Variants in SHANK2 observed in about 807,000 individuals in gnomAD.
SHANK2 encodes the protein SH3 and multiple ankyrin repeat domains 2, also known as SH3 and multiple ankyrin repeat domains protein 2.
A neutral mutation model predicts 133.7 loss-of-function variants in SHANK2; 43 were observed. The ratio of observed to expected loss-of-function variants is 0.32; its 90% confidence interval spans 0.25 to 0.41. SHANK2 has a LOEUF of 0.41. SHANK2 is among the 10% of genes least tolerant of loss of function. SHANK2 has a pLI of 1.00. For missense variants in SHANK2, 1,994 were observed against 2,235.8 expected (o/e 0.89, Z 2.18); for synonymous variants, 1,017 against 952.8 (o/e 1.07, Z -1.24).
At chr11:70,604,301 G>C (rs1034751095) in intron 17 of SHANK2, 1 of 152,370 alleles carries the variant, frequency 6.6e-6, no homozygotes, top group Non-Finnish European at 1.5e-5. Flanking sequence ...ATGCCCGTGG[G>C]GGGCTACCCT....
chr11:71,188,906 TG>T lies in SHANK2; in HGVS notation c.-13+35790del, dbSNP rs1953731013. On this transcript the variant is annotated intron_variant, in intron 2 of 25. Coordinates refer to ENST00000601538, the MANE Select transcript of SHANK2 (RefSeq NM_012309.5). The surrounding 1 kb of genome is among the most constrained non-coding windows in gnomAD (Gnocchi z 4.6). ...GGTCAAGGTGGGTGGAAGCAAACCC[TG>T]GGGTTCTCTCAATACAGCAGGAGCG... is the stretch of plus-strand genomic sequence containing the variant. Among the ~76,000 whole-genome samples, 1 of 152,148 alleles carries T rather than the reference TG, an allele frequency of 6.6e-6. No individual in the cohort carries two copies. Among genetic ancestry groups the T allele is most frequent in the Non-Finnish European group, 1.5e-5 (1 of 68,032 alleles).
intron 4 of SHANK2, among the ~76,000 whole-genome samples, chr11:71,116,420 C>G (rs561122602): frequency 1.3e-5 from 2 of 152,340 alleles, no homozygotes; most frequent in South Asian, 2.1e-4. Context: ...GCGTAGCAAG[C>G]CTGGGTGAGA....
At position 70,882,328 on chromosome 11, in the gene SHANK2, G is replaced by A. The variant is rs1555072584; in HGVS notation, c.1174+14173C>T. 6.6e-6 allele frequency among the ~76,000 whole-genome samples: 1 copy of A among 152,200 alleles called. No individual in the cohort carries two copies. The highest frequency in any genetic ancestry group is 1.9e-4 in the East Asian group (1 of 5,194). On this transcript the variant is annotated intron_variant, in intron 11 of 25. Coordinates refer to ENST00000601538, the MANE Select transcript of SHANK2 (RefSeq NM_012309.5). The surrounding 1 kb of genome is among the most constrained non-coding windows in gnomAD (Gnocchi z 4.2). ...GGAGAGGGGCCACTGCAGTGTGGAA[G>A]GCAGGCAGAAAGGCCCCTGGGCTGT...
chr11:71,071,256 C>T (rs990438938), intron 9 of SHANK2, among the ~76,000 whole-genome samples: 5 of 152,200 alleles, frequency 3.3e-5, no homozygotes, highest in Non-Finnish European at 7.3e-5. Flanking sequence ...AATGTATCTC[C>T]ACACTCACAC....
intron 15 of SHANK2, among the ~76,000 whole-genome samples, chr11:70,667,069 C>T (rs1467365431): frequency 3.9e-5 from 6 of 152,012 alleles, no homozygotes; most frequent in Admixed American, 1.3e-4. Flanking sequence ...GAAACCATTG[C>T]CATCATGGCC....
rs1555049744 is a variant in SHANK2 at position 70,798,520 on chromosome 11, C to T, written c.1700G>A (p.Ser567Asn). 4.2e-6 allele frequency: 3 copies of T among 718,508 alleles called. No individual in the cohort carries two copies. The South Asian group carries it at 4.4e-5, about 11-fold the overall frequency. The allele number at this position is 718,508 out of a possible 1,614,324, so 44.5% of individuals were successfully genotyped here. The change falls in exon 14 of 26, where the codon AGC becomes AAC. Residue 567 changes from serine to asparagine, a missense_variant. Ser to Asn is a conservative substitution (Grantham distance 46). Transcript: ENST00000601538. ...SIGEGGFWEG[S>N]ARGHIGWFPA... ...AAACCATCCGATGTGGCCGCGGGCG[C>T]TGCCTTCCCAGAAGCCCCCTTCACC...
intron 14 of SHANK2, among the ~76,000 whole-genome samples, chr11:70,764,120 A>ATC (rs1947060175): frequency 1.4e-5 from 1 of 73,242 alleles, no homozygotes; most frequent in Non-Finnish European, 2.6e-5. Flanking sequence ...CCACCCACCC[A>ATC]CACATCAAGC....
At chr11:70,721,704 G>A (rs72949001) in intron 14 of SHANK2, among the ~76,000 whole-genome samples, 14,262 of 152,254 alleles carry the variant, frequency 0.094, 887 homozygotes, top group South Asian at 0.17. Context: ...ATGTGGGACC[G>A]TCAGCAGCCA....
At chr11:70,841,789 A>C (rs1408171201) in intron 11 of SHANK2, among the ~76,000 whole-genome samples, 1 of 152,170 alleles carries the variant, frequency 6.6e-6, no homozygotes, top group Admixed American at 6.5e-5. Context: ...GGACCCAAGC[A>C]TGCAGTGCCA....
intron 2 of SHANK2, among the ~76,000 whole-genome samples, chr11:71,148,666 C>T (rs6591903): frequency 3.3e-5 from 5 of 152,106 alleles, no homozygotes; most frequent in Non-Finnish European, 5.9e-5. Context: ...GCATGGTCAC[C>T]CTGATTGTTT....
chr11:71,230,486 G>A (rs184764467), intron 1 of SHANK2, among the ~76,000 whole-genome samples: 116 of 151,694 alleles, frequency 7.6e-4, no homozygotes, highest in African/African-American at 2.2e-3. Context: ...GGAGAATGGC[G>A]TGAACCCGGG....
intron 17 of SHANK2, among the ~76,000 whole-genome samples, chr11:70,623,014 TA>T (rs2060852091): frequency 1.3e-5 from 2 of 152,128 alleles, no homozygotes; most frequent in South Asian, 4.2e-4. Flanking sequence ...CCATCTCTAC[TA>T]AAAATACAAA....
intron 17 of SHANK2, among the ~76,000 whole-genome samples, chr11:70,571,973 A>G (rs1554983172): frequency 6.6e-6 from 1 of 152,140 alleles, no homozygotes; most frequent in African/African-American, 2.4e-5. Context: ...GAGGAGACTG[A>G]GCCCTTGTGA....
In SHANK2 at chr11:70,659,852, T is replaced by C; in HGVS notation, c.2037A>G (p.Leu679=). 1 of 1,614,134 alleles carries C rather than the reference T, an allele frequency of 6.2e-7. No individual in the cohort carries two copies. Residue 679 remains leucine, a synonymous_variant, in exon 17 of 26, where the codon CTA becomes CTG. Transcript: ENST00000601538. ...DEGGVAWQAG[L]RTGDFLIEVN... ...CCTCAATCAAGAAGTCCCCGGTCCT[T>C]AGTCCGGCTTGCCACGCCACCCCAC...
At chr11:70,582,581 C>T (rs1384546489) in intron 17 of SHANK2, among the ~76,000 whole-genome samples, 3 of 152,212 alleles carry the variant, frequency 2.0e-5, no homozygotes, top group Non-Finnish European at 2.9e-5. Context: ...CCTCTCCCCT[C>T]GTTCACTGAG....
Position 71,252,358 on chromosome 11 carries a change from T to A in SHANK2, c.-113+67A>T, listed in dbSNP as rs1948199394. On this transcript the variant is annotated intron_variant, in intron 1 of 25. Transcript: ENST00000601538. The surrounding 1 kb of genome is among the most constrained non-coding windows in gnomAD (Gnocchi z 6.3). ...CCCAAAATGCCGTCAGTGAGCAGGA[T>A]CGGGTGCCCAAGGGCCACCTCCCGT... is the stretch of plus-strand genomic sequence containing the variant. The A allele has an allele frequency of 6.6e-6, 1 of 152,010 alleles. No homozygotes were observed. Among genetic ancestry groups the A allele is most frequent in the African/African-American group, 2.4e-5 (1 of 41,350 alleles). The allele number at this position is 152,010 out of a possible 1,614,324, so 9.4% of individuals were successfully genotyped here.
rs999682629 is a variant in SHANK2, at chr11:71,252,021, C to G, written c.-113+404G>C. Among the ~76,000 whole-genome samples, 80 of 152,246 alleles carry G rather than the reference C, an allele frequency of 5.3e-4. No homozygotes were observed. The highest frequency in any genetic ancestry group is 1.7e-3 in the African/African-American group (72 of 41,572). On this transcript the variant is annotated intron_variant, in intron 1 of 25. Coordinates refer to ENST00000601538, the MANE Select transcript of SHANK2 (RefSeq NM_012309.5). The surrounding 1 kb of genome is among the most constrained non-coding windows in gnomAD (Gnocchi z 6.3). ...GCGGTGACCCGGGGCAAGGAGACCC[C>G]GGGAGAGCGGGGGAGGTCGCGCCAC...
rs79238587 is a variant in SHANK2, at chr11:70,685,713, G to T, written c.1853+12975C>A. 9.4e-3 allele frequency among the ~76,000 whole-genome samples: 1,433 copies of T among 152,238 alleles called. 22 individuals are homozygous for T. The highest frequency in any genetic ancestry group is 0.033 in the African/African-American group (1,370 of 41,522). ...AGAGCCCTAGGGAGGACAGGGGGCA[G>T]TCTCAACTCCTTAGACTGCCCTGAG... On this transcript the variant is annotated intron_variant, in intron 15 of 25. Transcript: ENST00000601538.
intron 14 of SHANK2, among the ~76,000 whole-genome samples, chr11:70,771,824 G>T (rs996670962): frequency 3.3e-5 from 5 of 152,190 alleles, no homozygotes; most frequent in Admixed American, 6.5e-5. Flanking sequence ...CCAAATCCCC[G>T]TTCCCAGTTG....
Sources: allele counts gnomAD v4.1 joint callset (sites outside exome capture counted in the v4.1 genomes callset), GRCh38; gene constraint gnomAD v4.1.1; non-coding constraint Gnocchi (gnomAD v3.1); transcripts MANE v1.5; gene names NCBI Gene and HGNC (gene_info 2026-07-23, HGNC 2026-07-21).